Variants in SIRT6 observed in about 807,000 individuals in gnomAD.
SIRT6 encodes sirtuin 6.
SIRT6 carries 21 observed loss-of-function variants against 33.6 expected under a neutral mutation model. That is an observed-to-expected ratio of 0.62 (90% CI 0.44 to 0.90). SIRT6 has a LOEUF of 0.90. Among genes scored for constraint, SIRT6 ranks in the 40% least tolerant of loss-of-function variants. SIRT6 has a pLI of 0.00. For synonymous variants in SIRT6, 221 were observed against 223.9 expected, an observed-to-expected ratio of 0.99 and a Z score of 0.12; for missense variants, 504 against 510.6, an observed-to-expected ratio of 0.99 and a Z score of 0.12.
rs917607192 is a variant in SIRT6 at position 4,180,606 on chromosome 19, C to G, written c.194+176G>C. ...ATATTGGCCAGGCTGGTCTGGAATT[C>G]TTGACCTTGTGATCCACCATGCCCA... is the stretch of plus-strand genomic sequence containing the variant. On this transcript the variant is annotated intron_variant, in intron 2 of 7. Coordinates refer to ENST00000337491, the MANE Select transcript of SIRT6 (RefSeq NM_016539.4). 1.9e-5 allele frequency: 14 copies of G among 722,244 alleles called. No individual in the cohort carries two copies. In the African/African-American group the frequency reaches 2.0e-4, roughly 10 times the overall value. The allele number at this position is 722,244 out of a possible 1,614,324, so 44.7% of individuals were successfully genotyped here.
At chr19:4,175,320 C>T (rs1381387935) in intron 6 of SIRT6, 169 bp from the exon 7 acceptor site, 9 of 918,154 alleles carry the variant, frequency 9.8e-6, no homozygotes, top group East Asian at 2.7e-5. Flanking sequence ...CTCTGCGGTC[C>T]GTTGGCGGGG....
At chr19:4,177,580 G>C (rs1436033812) in intron 3 of SIRT6, among the ~76,000 whole-genome samples, 1 of 152,040 alleles carries the variant, frequency 6.6e-6, no homozygotes, top group Admixed American at 6.6e-5. Flanking sequence ...TTTATTTTGA[G>C]ACAGAGTTTT....
Position 4,174,581 on chromosome 19 carries a change from T to A in SIRT6, c.*36A>T. 7.2e-7 allele frequency: 1 copy of A among 1,396,278 alleles called. No individual in the cohort carries two copies. Among genetic ancestry groups the A allele is most frequent in the Non-Finnish European group, 9.4e-7 (1 of 1,066,610 alleles). 86.5% of individuals were successfully genotyped at this position (1,396,278 alleles called of 1,614,324 possible). On this transcript the variant is annotated 3_prime_UTR_variant, in exon 8 of 8. Transcript: ENST00000337491. This position sits in a 1 kb window ranked among gnomAD's most constrained non-coding sequence, Gnocchi z 4.2. ...CCACGAGAGAAAAAGAATCCACAGTTTCTACAAAAAGCCCCACCCTCCCCA... is the reference window on the plus strand; with the variant it reads ...CCACGAGAGAAAAAGAATCCACAGTATCTACAAAAAGCCCCACCCTCCCCA...
In SIRT6 at chr19:4,175,961, G is replaced by T. The variant is rs146420357; in HGVS notation, c.438-24C>A. ...GCCTGTGTCAGGGAGGAAGGGGGAG[G>T]ATGGGACCAGGTGAGCTCCCATGGG... On this transcript the variant is annotated intron_variant, in intron 4 of 7. Coordinates refer to ENST00000337491, the MANE Select transcript of SIRT6 (RefSeq NM_016539.4). 1.2e-3 allele frequency: 1,787 copies of T among 1,550,696 alleles called. 24 individuals carry two copies. The Admixed American group carries it at 0.021, about 18-fold the overall frequency.
chr19:4,175,428 G>T, intron 6 of SIRT6: 1 of 625,424 alleles, frequency 1.6e-6, no homozygotes, highest in African/African-American at 1.8e-5. Flanking sequence ...GTCACCTCCC[G>T]GCTGGGCAGC....
intron 4 of SIRT6, 105 bp from the exon 5 acceptor site, chr19:4,176,042 G>T: frequency 1.0e-6 from 1 of 970,854 alleles, no homozygotes; most frequent in South Asian, 1.5e-5. Context: ...GGGGTGGACA[G>T]GTGACCAGAA....
chr19:4,179,505 A>T (rs1281660591), intron 2 of SIRT6: 5 of 569,172 alleles, frequency 8.8e-6, no homozygotes, highest in Non-Finnish European at 1.5e-5. Flanking sequence ...AGAGATAAAG[A>T]GTTAAAGACA....
chr19:4,175,062 C>A lies in SIRT6; in HGVS notation c.704G>T (p.Arg235Leu), dbSNP rs147362434. The A allele has an allele frequency of 1.3e-6, 2 of 1,587,450 alleles. No homozygotes were observed. Among genetic ancestry groups the A allele is most frequent in the Non-Finnish European group, 1.7e-6 (2 of 1,166,362 alleles). ...GGGCTGCAGGTTGACGATGACCAGG[C>A]GGCCTCCCCGGCGCTTGGTAGCCAG... Reference protein sequence around the residue: ...LPLATKRRGGRLVIVNLQPTK... With the variant: ...LPLATKRRGGLLVIVNLQPTK... Residue 235 changes from arginine to leucine, a missense_variant, in exon 7 of 8, where the codon CGC becomes CTC. Arg to Leu is a moderately radical substitution (Grantham distance 102). Coordinates refer to ENST00000337491, the MANE Select transcript of SIRT6 (RefSeq NM_016539.4).
At position 4,175,966 on chromosome 19, in the gene SIRT6, G is replaced by A. The variant is rs552403443; in HGVS notation, c.438-29C>T. 12 of 1,544,640 alleles carry A rather than the reference G, an allele frequency of 7.8e-6. No individual in the cohort carries two copies. The Admixed American group carries it at 2.2e-4, about 28-fold the overall frequency. ...TGTCAGGGAGGAAGGGGGAGGATGG[G>A]ACCAGGTGAGCTCCCATGGGTGACT... On this transcript the variant is annotated intron_variant, in intron 4 of 7. Transcript: ENST00000337491.
In SIRT6 at chr19:4,180,867, G is replaced by A. The variant is rs1388153824; in HGVS notation, c.109C>T (p.Leu37=). The A allele has an allele frequency of 6.2e-7, 1 of 1,613,702 alleles. No homozygotes were observed. Among genetic ancestry groups the A allele is most frequent in the East Asian group, 2.2e-5 (1 of 44,848 alleles). Residue 37 remains leucine (L), a synonymous_variant, in exon 2 of 8, where the codon CTG becomes TTG. Transcript: ENST00000337491. ...PEELERKVWE[L]ARLVWQSSSV... is the part of the protein sequence containing the mutation. ...GAAGACTGCCAGACCAGCCTCGCCA[G>A]TTCCCACACCTTCCGCTCCAGCTCC... is the stretch of plus-strand genomic sequence containing the variant.
chr19:4,180,685 G>C (rs1967574829), intron 2 of SIRT6, 97 bp downstream of exon 2: 5 of 1,473,406 alleles, frequency 3.4e-6, no homozygotes, highest in Non-Finnish European at 3.7e-6. Context: ...GAGGAAAGCA[G>C]ATGGATGTGT....
intron 1 of SIRT6, 64 bp from the exon 2 acceptor site, chr19:4,180,973 G>T: frequency 1.3e-6 from 2 of 1,543,032 alleles, no homozygotes; most frequent in African/African-American, 1.4e-5. Flanking sequence ...GGCCACGCAC[G>T]AGCCACAGAC....
chr19:4,180,973 GA>G (rs1967615261), intron 1 of SIRT6, 64 bp from the exon 2 acceptor site: 1 of 1,543,032 alleles, frequency 6.5e-7, no homozygotes, highest in African/African-American at 1.4e-5. Flanking sequence ...GGCCACGCAC[GA>G]GCCACAGACT....
At chr19:4,175,487 A>G in intron 6 of SIRT6, 193 bp downstream of exon 6, 1 of 637,354 alleles carries the variant, frequency 1.6e-6, no homozygotes, top group Non-Finnish European at 2.7e-6. Flanking sequence ...CTTGTGTAGC[A>G]CCCACCCAGA....
At chr19:4,176,639 GACC>G in intron 4 of SIRT6, among the ~76,000 whole-genome samples, 1 of 152,138 alleles carries the variant, frequency 6.6e-6, no homozygotes, top group Non-Finnish European at 1.5e-5. Context: ...GTAGGTCCAG[GACC>G]ACCAAGGGTG....
intron 4 of SIRT6, among the ~76,000 whole-genome samples, chr19:4,176,299 C>G (rs113342426): frequency 6.6e-6 from 1 of 152,122 alleles, no homozygotes; most frequent in African/African-American, 2.4e-5. Flanking sequence ...TGACTTTAAT[C>G]GTTATACTGG....
chr19:4,178,598 C>G (rs1967441408), intron 3 of SIRT6, among the ~76,000 whole-genome samples: 1 of 152,026 alleles, frequency 6.6e-6, no homozygotes, highest in African/African-American at 2.4e-5. Context: ...ACCTGTAACC[C>G]CAGCACTTTG....
intron 1 of SIRT6, 81 bp downstream of exon 1, chr19:4,182,392 TC>T: frequency 7.1e-7 from 1 of 1,402,194 alleles, no homozygotes. Context: ...CCCCTGATAT[TC>T]CCACAATGCC....
At chr19:4,182,364 AT>A in intron 1 of SIRT6, 109 bp downstream of exon 1, 1 of 1,125,930 alleles carries the variant, frequency 8.9e-7, no homozygotes, top group Non-Finnish European at 1.2e-6. Flanking sequence ...AGTCCCTCCC[AT>A]TGTCTAGCCT....
Sources: gnomAD v4.1 joint callset for allele counts (sites outside exome capture counted in the v4.1 genomes callset) on GRCh38, gnomAD v4.1.1 for gene constraint, Gnocchi (gnomAD v3.1) non-coding constraint, MANE v1.5 for transcripts, NCBI Gene and HGNC (gene_info 2026-07-23, HGNC 2026-07-21) for gene names.